The following CALCB variants were observed in gnomAD, a reference collection of about 807,000 sequenced individuals.
CALCB encodes calcitonin gene-related peptide 2.
Under a neutral mutation model 10.7 loss-of-function variants are expected in CALCB, and 8 were observed. The ratio of observed to expected loss-of-function variants is 0.75; its 90% CI spans 0.44 to 1.34. The LOEUF is 1.34. CALCB is among the 40% of genes most tolerant of loss of function. The probability of loss-of-function intolerance (pLI) is 0.01; values close to 1 mark genes in which losing one functional copy is unlikely to be tolerated. For missense variants in CALCB, 176 were observed against 162.5 expected, an observed-to-expected ratio of 1.08 and a Z score of -0.45; for synonymous variants, 76 against 66.9, an observed-to-expected ratio of 1.14 and a Z score of -0.66.
rs748693641 is a variant in CALCB at position 15,077,289 on chromosome 11, C to T, written c.228C>T (p.Ser76=). The change falls in exon 4 of 5, where the codon TCC becomes TCT. Residue 76 remains serine (S), a synonymous_variant. Transcript: ENST00000324229. ...CTTTCTCTATCTTGCAAATCAGCTC[C>T]GCTGCCCAGAAGAGAGCCTGCAACA... The part of the protein sequence containing the change: ...KQEQETQGSS[S]AAQKRACNTA... 135 of 1,613,570 alleles carry T rather than the reference C, an allele frequency of 8.4e-5. No individual in the cohort carries two copies. Among genetic ancestry groups the T allele is most frequent in the East Asian group, 4.5e-5 (2 of 44,888 alleles).
chr11:15,073,978 G>A (rs1370301865), intron 1 of CALCB, among the ~76,000 whole-genome samples: 2 of 152,374 alleles, frequency 1.3e-5, no homozygotes, highest in East Asian at 3.9e-4. Flanking sequence ...CTGCAGAGTT[G>A]GGTCCGGGAG....
chr11:15,077,178 C>T, intron 3 of CALCB, 108 bp from the exon 4 acceptor site: 2 of 1,213,832 alleles, frequency 1.6e-6, no homozygotes, highest in Admixed American at 2.1e-5. Context: ...TTTCGAGAAA[C>T]ACTTACTGTT....
intron 1 of CALCB, 136 bp from the exon 2 acceptor site, chr11:15,074,574 C>T: frequency 1.5e-6 from 1 of 652,098 alleles, no homozygotes; most frequent in East Asian, 2.7e-5. Context: ...TCACAGCAGC[C>T]CTTCCTGCAA....
intron 2 of CALCB, 93 bp downstream of exon 2, chr11:15,074,897 G>T: frequency 7.2e-7 from 1 of 1,380,906 alleles, no homozygotes; most frequent in South Asian, 1.3e-5. Context: ...GGCTCCTGGT[G>T]AATCAGTGCC....
chr11:15,073,986 G>C (rs529789682), intron 1 of CALCB, among the ~76,000 whole-genome samples: 1 of 152,380 alleles, frequency 6.6e-6, no homozygotes, highest in East Asian at 1.9e-4. Context: ...TTGGGTCCGG[G>C]AGCGCCCTGC....
At chr11:15,077,154 T>C in intron 3 of CALCB, 132 bp from the exon 4 acceptor site, 1 of 951,598 alleles carries the variant, frequency 1.1e-6, no homozygotes, top group Non-Finnish European at 1.6e-6. Context: ...CCCTAACAGC[T>C]TTGATAATTG....
chr11:15,076,413 A>G (rs1850394136), intron 3 of CALCB, among the ~76,000 whole-genome samples: 1 of 152,140 alleles, frequency 6.6e-6, no homozygotes, highest in South Asian at 2.1e-4. Flanking sequence ...CCACTTTATG[A>G]ACCTGATGCA....
intron 3 of CALCB, among the ~76,000 whole-genome samples, chr11:15,076,699 G>A (rs916421146): frequency 2.6e-5 from 4 of 152,196 alleles, no homozygotes; most frequent in Non-Finnish European, 4.4e-5. Flanking sequence ...ACTGAGCTGC[G>A]GTGCTCATTG....
At chr11:15,075,367 T>A (rs949863866) in intron 3 of CALCB, among the ~76,000 whole-genome samples, 169 bp downstream of exon 3, 8 of 152,230 alleles carry the variant, frequency 5.3e-5, no homozygotes, top group Non-Finnish European at 1.0e-4. Flanking sequence ...CCAGTGCACC[T>A]GGAGGGACTG....
At chr11:15,075,001 A>G (rs911885680) in intron 2 of CALCB, 60 bp from the exon 3 acceptor site, 7 of 1,594,026 alleles carry the variant, frequency 4.4e-6, no homozygotes, top group South Asian at 3.3e-5. Context: ...CTGGCTGCCT[A>G]TCCTGGGGAG....
rs1450763734 is a variant in CALCB, at chr11:15,077,277, G to T, written c.225-9G>T. 2.5e-6 allele frequency: 4 copies of T among 1,612,736 alleles called. No homozygotes were observed. The highest frequency in any genetic ancestry group is 1.7e-6 in the Non-Finnish European group (2 of 1,179,528). On this transcript the variant is annotated splice_polypyrimidine_tract_variant and intron_variant, in intron 3 of 4. Coordinates refer to ENST00000324229, the MANE Select transcript of CALCB (RefSeq NM_000728.4). ...AGGTCTTCTCTTCTTTCTCTATCTT[G>T]CAAATCAGCTCCGCTGCCCAGAAGA...
At chr11:15,076,195 C>T (rs1181016045) in intron 3 of CALCB, among the ~76,000 whole-genome samples, 1 of 152,126 alleles carries the variant, frequency 6.6e-6, no homozygotes, top group Non-Finnish European at 1.5e-5. Context: ...ATTTAAGTAG[C>T]GTATAGTAAT....
At chr11:15,077,572 T>C in intron 4 of CALCB, 102 bp downstream of exon 4, 1 of 1,172,196 alleles carries the variant, frequency 8.5e-7, no homozygotes, top group Admixed American at 2.6e-5. Context: ...GTTCCTTCTG[T>C]CCAGTTACAT....
In CALCB at chr11:15,075,184, GAC is replaced by G. The variant is rs765365235; in HGVS notation, c.214_215del (p.Gln72GlyfsTer59). On this transcript the variant is annotated frameshift_variant, in exon 3 of 5. Coordinates refer to ENST00000324229, the MANE Select transcript of CALCB (RefSeq NM_000728.4). LOFTEE classifies it high-confidence loss of function. ...CCAGTGAGCTGAAGCAGGAGCAGGA[GAC>G]ACAGGGCTCCAGGTGAGGTTCCCCA... The part of the protein sequence containing the change: ...KASELKQEQE[T>X]QGSSSAAQKR... The G allele has an allele frequency of 1.2e-6, 2 of 1,614,180 alleles. No individual in the cohort carries two copies. The highest frequency in any genetic ancestry group is 2.2e-5 in the South Asian group (2 of 91,076).
Position 15,075,161 on chromosome 11 carries a change from A to C in CALCB, c.187A>C (p.Ser63Arg). ...GCAGGACTATGTGCAGATGAAGGCC[A>C]GTGAGCTGAAGCAGGAGCAGGAGAC... is the stretch of plus-strand genomic sequence containing the variant. ...LVQDYVQMKA[S>R]ELKQEQETQG... Residue 63 changes from serine to arginine, a missense_variant, in exon 3 of 5, where the codon AGT becomes CGT. Coordinates refer to ENST00000324229, the MANE Select transcript of CALCB (RefSeq NM_000728.4). 6.2e-7 allele frequency: 1 copy of C among 1,614,174 alleles called. No individual in the cohort carries two copies. Among genetic ancestry groups the C allele is most frequent in the Non-Finnish European group, 8.5e-7 (1 of 1,180,016 alleles).
intron 2 of CALCB, 105 bp from the exon 3 acceptor site, chr11:15,074,956 C>G: frequency 6.7e-7 from 1 of 1,485,144 alleles, no homozygotes; most frequent in Non-Finnish European, 9.4e-7. Context: ...TCGCGGTGGC[C>G]ACATCCCCAG....
intron 3 of CALCB, 123 bp downstream of exon 3, chr11:15,075,321 G>C: frequency 6.5e-7 from 1 of 1,527,568 alleles, no homozygotes; most frequent in Non-Finnish European, 8.9e-7. Flanking sequence ...TTGTCCAGCA[G>C]GCTCCCTTTC....
At position 15,075,080 on chromosome 11, in the gene CALCB, C is replaced by G; in HGVS notation, c.106C>G (p.Pro36Ala). 6.2e-7 allele frequency: 1 copy of G among 1,614,208 alleles called. No homozygotes were observed. The highest frequency in any genetic ancestry group is 8.5e-7 in the Non-Finnish European group (1 of 1,180,036). Residue 36 changes from proline to alanine, a missense_variant, in exon 3 of 5, where the codon CCA becomes GCA. Coordinates refer to ENST00000324229, the MANE Select transcript of CALCB (RefSeq NM_000728.4). ...CCACAGGTCTGCCCTGGAGAGCAGC[C>G]CAGACCCGGCCACACTCAGTAAAGA... is the stretch of plus-strand genomic sequence containing the variant. ...APFRSALESS[P>A]DPATLSKEDA...
chr11:15,077,290 G>T lies in CALCB; in HGVS notation c.229G>T (p.Ala77Ser). 6.2e-7 allele frequency: 1 copy of T among 1,613,688 alleles called. No individual in the cohort carries two copies. The highest frequency in any genetic ancestry group is 8.5e-7 in the Non-Finnish European group (1 of 1,179,840). The part of the protein sequence containing the change: ...QEQETQGSSS[A>S]AQKRACNTAT... Reference sequence around the variant, plus strand: ...TTTCTCTATCTTGCAAATCAGCTCCGCTGCCCAGAAGAGAGCCTGCAACAC... The same window carrying T: ...TTTCTCTATCTTGCAAATCAGCTCCTCTGCCCAGAAGAGAGCCTGCAACAC... Residue 77 changes from alanine to serine, a missense_variant, in exon 4 of 5, where the codon GCT (alanine) becomes TCT (serine). By Grantham distance (99) the Ala-to-Ser change is moderately conservative. Coordinates refer to ENST00000324229, the MANE Select transcript of CALCB (RefSeq NM_000728.4).
Sources: gnomAD v4.1 joint callset for allele counts (sites outside exome capture counted in the v4.1 genomes callset) on GRCh38, gnomAD v4.1.1 for gene constraint, MANE v1.5 for transcripts, NCBI Gene and HGNC (gene_info 2026-07-23, HGNC 2026-07-21) for gene names.